The following KMT2E variants were observed in gnomAD, a reference collection of about 807,000 sequenced individuals.
KMT2E encodes lysine methyltransferase 2E (inactive), also known as histone reader KMT2E.
KMT2E carries 30 observed loss-of-function variants against 184.6 expected under a neutral mutation model. The observed-to-expected ratio is 0.16, with a 90% confidence interval of 0.12 to 0.22. The LOEUF (loss-of-function observed/expected upper bound fraction) is 0.22. Ranked by LOEUF, KMT2E falls within the 10% of genes least tolerant of loss-of-function variation. The pLI is 1.00. For synonymous variants in KMT2E, 815 were observed against 776.5 expected (o/e 1.05, Z -0.82); for missense variants, 2,023 against 2,237.4 (o/e 0.90, Z 1.93).
At chr7:105,036,901 T>C (rs1261005745) in intron 1 of KMT2E, among the ~76,000 whole-genome samples, 1 of 152,180 alleles carries the variant, frequency 6.6e-6, no homozygotes, top group Non-Finnish European at 1.5e-5. Flanking sequence ...CCATTTATAG[T>C]TGAAAGTCAG....
chr7:105,071,134 C>T (rs189653598), intron 6 of KMT2E, among the ~76,000 whole-genome samples: 3 of 152,124 alleles, frequency 2.0e-5, no homozygotes, highest in Non-Finnish European at 4.4e-5. Flanking sequence ...AAAATATATG[C>T]TGAAGATCAC....
At chr7:105,052,013 A>G (rs1278110752) in intron 3 of KMT2E, among the ~76,000 whole-genome samples, 4 of 152,114 alleles carry the variant, frequency 2.6e-5, no homozygotes, top group Non-Finnish European at 5.9e-5. Flanking sequence ...GCCTTCTATC[A>G]TTTATTTTCT....
At chr7:105,087,289 AATAT>A (rs1021916068) in intron 13 of KMT2E, among the ~76,000 whole-genome samples, 2 of 146,850 alleles carry the variant, frequency 1.4e-5, no homozygotes, top group African/African-American at 2.5e-5. Context: ...AATATGATAT[AATAT>A]ATATAATATA....
At chr7:105,065,391 A>G (rs1464076313) in intron 5 of KMT2E, among the ~76,000 whole-genome samples, 1 of 152,090 alleles carries the variant, frequency 6.6e-6, no homozygotes, top group Non-Finnish European at 1.5e-5. Flanking sequence ...CCACTTTGAT[A>G]TATATTTCAC....
At chr7:105,094,655 A>G (rs1170122820) in intron 15 of KMT2E, among the ~76,000 whole-genome samples, 8 of 152,214 alleles carry the variant, frequency 5.3e-5, no homozygotes. Flanking sequence ...ATCCTCCCAG[A>G]TAAACTCCAT....
At chr7:105,041,065 A>AG in intron 3 of KMT2E, 42 bp downstream of exon 3, 1 of 1,253,070 alleles carries the variant, frequency 8.0e-7, no homozygotes, top group South Asian at 1.3e-5. Context: ...AAAAAAAAAA[A>AG]ACCCTTCTGG....
At chr7:105,080,725 A>C (rs1434886944) in intron 12 of KMT2E, among the ~76,000 whole-genome samples, 3 of 152,228 alleles carry the variant, frequency 2.0e-5, no homozygotes, top group African/African-American at 7.2e-5. Context: ...ATCAAACCTA[A>C]GAAGGCCAGG....
chr7:105,073,698 C>T, intron 7 of KMT2E, 21 bp downstream of exon 7: 1 of 1,488,100 alleles, frequency 6.7e-7, no homozygotes. Context: ...AGGACCTACA[C>T]TAAATTAAAA....
chr7:105,062,099 A>T, intron 3 of KMT2E, 65 bp from the exon 4 acceptor site: 1 of 1,025,792 alleles, frequency 9.7e-7, no homozygotes, highest in Non-Finnish European at 1.5e-6. Context: ...TTATCATTTT[A>T]ATTAAATTGA....
intron 17 of KMT2E, chr7:105,102,628 A>G: frequency 6.5e-6 from 1 of 153,890 alleles, no homozygotes; most frequent in Non-Finnish European, 1.4e-5. Context: ...TGTAATTATT[A>G]ATAAAAATCT....
At chr7:105,032,930 C>G (rs1268145763) in intron 1 of KMT2E, among the ~76,000 whole-genome samples, 1 of 152,176 alleles carries the variant, frequency 6.6e-6, no homozygotes, top group Admixed American at 6.5e-5. Context: ...CAAGTTTTTC[C>G]TATCAGATTT....
intron 1 of KMT2E, among the ~76,000 whole-genome samples, chr7:105,029,746 T>G (rs1004342246): frequency 6.6e-6 from 1 of 152,158 alleles, no homozygotes; most frequent in African/African-American, 2.4e-5. Flanking sequence ...GCTTGATTTT[T>G]GAAGTGATGG....
chr7:105,054,072 T>C (rs1324530141), intron 3 of KMT2E, among the ~76,000 whole-genome samples: 1 of 151,476 alleles, frequency 6.6e-6, no homozygotes, highest in African/African-American at 2.4e-5. Context: ...ACTACGAGGC[T>C]GAGACACGAG....
At chr7:105,051,864 T>C (rs1256681899) in intron 3 of KMT2E, among the ~76,000 whole-genome samples, 1 of 152,178 alleles carries the variant, frequency 6.6e-6, no homozygotes, top group Non-Finnish European at 1.5e-5. Context: ...GCTGGGATTA[T>C]AGGCATGAAC....
At chr7:105,108,310 C>T (rs1051571845) in intron 22 of KMT2E, among the ~76,000 whole-genome samples, 5 of 152,098 alleles carry the variant, frequency 3.3e-5, no homozygotes, top group Non-Finnish European at 5.9e-5. Context: ...CTTTCCTCAT[C>T]TATAATATCT....
chr7:105,045,038 A>G (rs559969441), intron 3 of KMT2E, among the ~76,000 whole-genome samples: 1 of 152,186 alleles, frequency 6.6e-6, no homozygotes, highest in Admixed American at 6.5e-5. Context: ...TGTCAATTTT[A>G]TCTGTTCCTC....
At chr7:105,033,015 T>C (rs11981882) in intron 1 of KMT2E, among the ~76,000 whole-genome samples, 90,248 of 152,034 alleles carry the variant, frequency 0.59, 28,574 homozygotes, top group East Asian at 0.92. Flanking sequence ...GGTGTACAGG[T>C]GTGGACATTC....
At chr7:105,085,883 AG>A (rs1399055060) in intron 13 of KMT2E, among the ~76,000 whole-genome samples, 3 of 152,116 alleles carry the variant, frequency 2.0e-5, no homozygotes, top group Non-Finnish European at 2.9e-5. Flanking sequence ...CGTGTTAGCC[AG>A]GATGGTCTCC....
At chr7:105,049,220 C>T (rs778205634) in intron 3 of KMT2E, among the ~76,000 whole-genome samples, 1 of 150,402 alleles carries the variant, frequency 6.6e-6, no homozygotes, top group Non-Finnish European at 1.5e-5. Flanking sequence ...TGAGGCTGGC[C>T]AGTTGCTTGA....
Sources: allele counts gnomAD v4.1 joint callset (sites outside exome capture counted in the v4.1 genomes callset), GRCh38; gene constraint gnomAD v4.1.1; transcripts MANE v1.5; gene names NCBI Gene and HGNC (gene_info 2026-07-23, HGNC 2026-07-21).